The following SLC9A1 variants were observed in gnomAD, a reference collection of about 807,000 sequenced individuals.
SLC9A1 encodes sodium/hydrogen exchanger 1.
A neutral mutation model predicts 67.9 loss-of-function variants in SLC9A1; 22 were observed. That is an observed-to-expected ratio of 0.32 (90% CI 0.23 to 0.46). SLC9A1 has a LOEUF of 0.46. Ranked by LOEUF, SLC9A1 falls within the 20% of genes least tolerant of loss-of-function variation. The probability of loss-of-function intolerance (pLI) is 1.00; values close to 1 mark genes in which losing one functional copy is unlikely to be tolerated. For missense variants in SLC9A1, 686 were observed against 1,094.8 expected (o/e 0.63, Z 5.27); for synonymous variants, 421 against 471.8 (o/e 0.89, Z 1.40).
chr1:27,147,318 A>AAAAAAAAG (rs2083494183), intron 1 of SLC9A1, among the ~76,000 whole-genome samples: 1 of 148,756 alleles, frequency 6.7e-6, no homozygotes, highest in Admixed American at 6.7e-5. Context: ...AAAAAAAAAA[A>AAAAAAAAG]AAAGAAAAGA....
intron 1 of SLC9A1, among the ~76,000 whole-genome samples, chr1:27,123,439 T>C (rs1269264019): frequency 6.6e-6 from 1 of 152,116 alleles, no homozygotes; most frequent in African/African-American, 2.4e-5. Context: ...TACTGAGGCA[T>C]CTCATTTAAT....
chr1:27,108,937 C>T (rs775571077), intron 3 of SLC9A1, among the ~76,000 whole-genome samples: 4 of 152,214 alleles, frequency 2.6e-5, no homozygotes, highest in Admixed American at 6.5e-5. Context: ...GCTTGGAGCT[C>T]GGAGTCCTCC....
chr1:27,127,027 G>A (rs2083349215), intron 1 of SLC9A1, among the ~76,000 whole-genome samples: 1 of 152,258 alleles, frequency 6.6e-6, no homozygotes, highest in African/African-American at 2.4e-5. Context: ...GGAAAACAGA[G>A]TCTGGCTGTG....
chr1:27,139,861 C>T (rs986729506), intron 1 of SLC9A1, among the ~76,000 whole-genome samples: 5 of 151,230 alleles, frequency 3.3e-5, no homozygotes, highest in South Asian at 2.1e-4. Flanking sequence ...GAGGCGATCT[C>T]GGCTCACAGC....
intron 1 of SLC9A1, among the ~76,000 whole-genome samples, chr1:27,123,432 T>G (rs1445107074): frequency 1.3e-5 from 2 of 152,220 alleles, no homozygotes; most frequent in East Asian, 3.8e-4. Flanking sequence ...CACTAAGTAC[T>G]GAGGCATCTC....
Position 27,137,173 on chromosome 1 carries a change from G to A in SLC9A1, c.352+16810C>T, listed in dbSNP as rs534081198. Among the ~76,000 whole-genome samples, 2 of 152,254 alleles carry A rather than the reference G, an allele frequency of 1.3e-5. No homozygotes were observed. Among genetic ancestry groups the A allele is most frequent in the Admixed American group, 6.5e-5 (1 of 15,288 alleles). Reference sequence around the variant, plus strand: ...TTCCAGGGTGGGAACCACCAACCACGCAACTGTGTCTGCTGCATGGTAGGT... The same window carrying A: ...TTCCAGGGTGGGAACCACCAACCACACAACTGTGTCTGCTGCATGGTAGGT... On this transcript the variant is annotated intron_variant, in intron 1 of 11. Transcript: ENST00000263980. The surrounding 1 kb of genome is among the most constrained non-coding windows in gnomAD (Gnocchi z 4.6).
intron 1 of SLC9A1, among the ~76,000 whole-genome samples, chr1:27,124,552 C>T (rs975758488): frequency 6.6e-6 from 1 of 152,220 alleles, no homozygotes; most frequent in Non-Finnish European, 1.5e-5. Context: ...AAGCAAGTCA[C>T]AGTGTCCTAT....
At chr1:27,122,529 A>T (rs1348582116) in intron 1 of SLC9A1, among the ~76,000 whole-genome samples, 1 of 152,136 alleles carries the variant, frequency 6.6e-6, no homozygotes, top group Non-Finnish European at 1.5e-5. Flanking sequence ...TCAAGGAAGG[A>T]ACTGAGTCAA....
intron 1 of SLC9A1, among the ~76,000 whole-genome samples, chr1:27,136,433 G>A (rs777910405): frequency 5.3e-5 from 8 of 152,206 alleles, no homozygotes; most frequent in Non-Finnish European, 1.0e-4. Flanking sequence ...CCCGCCCACT[G>A]GGCCACACTG....
Position 27,100,685 on chromosome 1 carries a change from G to A in SLC9A1, c.2111-41C>T, listed in dbSNP as rs1570840864. The A allele has an allele frequency of 2.0e-6, 3 of 1,536,376 alleles. No homozygotes were observed. The highest frequency in any genetic ancestry group is 1.2e-5 in the South Asian group (1 of 81,888). ...AAGGCACAAGCTGGGTTCCGCTCTG[G>A]AGCCCGGCCCAGCACGTGCCACTCG... On this transcript the variant is annotated intron_variant, in intron 11 of 11. Transcript: ENST00000263980. The surrounding 1 kb of genome is among the most constrained non-coding windows in gnomAD (Gnocchi z 5.6).
intron 1 of SLC9A1, among the ~76,000 whole-genome samples, chr1:27,127,136 G>C (rs1416939745): frequency 1.3e-5 from 2 of 152,162 alleles, no homozygotes; most frequent in Admixed American, 6.6e-5. Context: ...ATGTAACTGG[G>C]ACTACAGGCG....
At chr1:27,103,720 C>G (rs1464184522) in intron 5 of SLC9A1, 2 of 236,994 alleles carry the variant, frequency 8.4e-6, no homozygotes, top group East Asian at 1.8e-4. Context: ...ACAGCAGCAG[C>G]AGATGGAACT....
chr1:27,103,082 G>C, intron 6 of SLC9A1, 141 bp downstream of exon 6: 1 of 696,304 alleles, frequency 1.4e-6, no homozygotes, highest in South Asian at 1.7e-5. Context: ...CTAGACCCTG[G>C]CGGCCTCCTG....
At chr1:27,112,468 A>T (rs1257064675) in intron 2 of SLC9A1, among the ~76,000 whole-genome samples, 1 of 152,216 alleles carries the variant, frequency 6.6e-6, no homozygotes, top group East Asian at 1.9e-4. Flanking sequence ...GTGAGCATGC[A>T]CATGCACACA....
At chr1:27,105,587 C>T (rs1176222261) in intron 5 of SLC9A1, 4 of 643,270 alleles carry the variant, frequency 6.2e-6, no homozygotes, top group East Asian at 2.7e-5. Context: ...GTTGAGTCAC[C>T]GTGCCCGGCC....
Position 27,101,085 on chromosome 1 carries a change from A to C in SLC9A1, c.2110+118T>G. Reference sequence around the variant, plus strand: ...GCTCATGGCTTGGGAGGGGATCCTGAGGTCAGCGAGGGCCAGGCCTGTCCT... The same window carrying C: ...GCTCATGGCTTGGGAGGGGATCCTGCGGTCAGCGAGGGCCAGGCCTGTCCT... On this transcript the variant is annotated intron_variant, in intron 11 of 11. Coordinates refer to ENST00000263980, the MANE Select transcript of SLC9A1 (RefSeq NM_003047.5). The surrounding 1 kb of genome is among the most constrained non-coding windows in gnomAD (Gnocchi z 4.9). 2.7e-6 allele frequency: 2 copies of C among 732,864 alleles called. No homozygotes were observed. Among genetic ancestry groups the C allele is most frequent in the Middle Eastern group, 3.7e-4 (1 of 2,692 alleles). 45.4% of individuals were successfully genotyped at this position (732,864 alleles called of 1,614,324 possible). A position where few individuals can be genotyped will look rare whatever the true frequency, so the allele number is the denominator to read the frequency against.
intron 2 of SLC9A1, 64 bp downstream of exon 2, chr1:27,113,762 C>T: frequency 8.1e-7 from 1 of 1,228,550 alleles, no homozygotes; most frequent in Non-Finnish European, 1.2e-6. Flanking sequence ...ATGAGGGATT[C>T]ACTGGTGGGC....
rs1180676241 is a variant in SLC9A1 at position 27,107,787 on chromosome 1, G to A, written c.1143C>T (p.Tyr381=). ...TGACGCTGCTCCACATCTTCAGGAA[G>A]TATTTGATGGTGGTGTGGGACTTGT... is the stretch of plus-strand genomic sequence containing the variant. ...ISHKSHTTIK[Y]FLKMWSSVSE... The change falls in exon 4 of 12, where the codon TAC becomes TAT. Residue 381 remains tyrosine (Y), a synonymous_variant. Coordinates refer to ENST00000263980, the MANE Select transcript of SLC9A1 (RefSeq NM_003047.5). 3 of 1,609,246 alleles carry A rather than the reference G, an allele frequency of 1.9e-6. No individual in the cohort carries two copies. Among genetic ancestry groups the A allele is most frequent in the Non-Finnish European group, 8.5e-7 (1 of 1,178,404 alleles).
intron 6 of SLC9A1, 83 bp downstream of exon 6, chr1:27,103,140 G>T: frequency 9.7e-7 from 1 of 1,028,890 alleles, no homozygotes; most frequent in Non-Finnish European, 1.5e-6. Context: ...GGGGCTGATG[G>T]GGGGCAGAGA....
Sources: gnomAD v4.1 joint callset for allele counts (sites outside exome capture counted in the v4.1 genomes callset) on GRCh38, gnomAD v4.1.1 for gene constraint, Gnocchi (gnomAD v3.1) non-coding constraint, MANE v1.5 for transcripts, NCBI Gene and HGNC (gene_info 2026-07-23, HGNC 2026-07-21) for gene names.